GRB10: variants seen among roughly 807,000 people sequenced by gnomAD.
GRB10 encodes growth factor receptor-bound protein 10.
Under a neutral mutation model 80.9 loss-of-function variants are expected in GRB10, and 20 were observed. The ratio of observed to expected loss-of-function variants is 0.25; its 90% CI spans 0.17 to 0.36. The LOEUF (loss-of-function observed/expected upper bound fraction) is 0.36, where lower values mean the gene tolerates loss of function less well. Ranked by LOEUF, GRB10 falls within the 10% of genes least tolerant of loss-of-function variation. GRB10 has a pLI of 1.00. For synonymous variants in GRB10, 291 were observed against 291.5 expected (o/e 1.00, Z 0.02); for missense variants, 548 against 747.7 (o/e 0.73, Z 3.12).
At chr7:50,749,430 A>C (rs569010786) in intron 3 of GRB10, among the ~76,000 whole-genome samples, 2 of 152,232 alleles carry the variant, frequency 1.3e-5, no homozygotes, top group Admixed American at 1.3e-4. Context: ...TGCCTGGCCA[A>C]AATTTGTATT....
At chr7:50,628,491 T>C (rs1320275870) in intron 7 of GRB10, among the ~76,000 whole-genome samples, 1 of 151,766 alleles carries the variant, frequency 6.6e-6, no homozygotes, top group Non-Finnish European at 1.5e-5. Flanking sequence ...TTGACCCTCC[T>C]ACAGCTAGCT....
intron 13 of GRB10, among the ~76,000 whole-genome samples, chr7:50,611,174 G>A (rs2049456946): frequency 6.6e-6 from 1 of 152,162 alleles, no homozygotes. Flanking sequence ...ATGTTCATGA[G>A]CATACCATCA....
chr7:50,691,026 C>T (rs1336572523), intron 5 of GRB10, among the ~76,000 whole-genome samples: 1 of 152,188 alleles, frequency 6.6e-6, no homozygotes, highest in Non-Finnish European at 1.5e-5. Context: ...AAAGAGAACA[C>T]AGGCTCCTCA....
intron 1 of GRB10, among the ~76,000 whole-genome samples, chr7:50,781,946 C>CT (rs2078329202): frequency 6.6e-6 from 1 of 152,156 alleles, no homozygotes; most frequent in Admixed American, 6.5e-5. Flanking sequence ...TTATACCGGA[C>CT]TATATGCCAT....
chr7:50,617,450 T>C (rs905567060), intron 10 of GRB10, among the ~76,000 whole-genome samples: 4 of 152,128 alleles, frequency 2.6e-5, no homozygotes, highest in Non-Finnish European at 5.9e-5. Context: ...AACATTCCCA[T>C]TCCCCACTCC....
intron 9 of GRB10, 77 bp downstream of exon 9, chr7:50,619,093 C>T (rs2051179244): frequency 6.0e-6 from 5 of 839,564 alleles, no homozygotes; most frequent in Non-Finnish European, 1.0e-5. Flanking sequence ...ACTTTCTAAT[C>T]TGATACTATG....
intron 2 of GRB10, among the ~76,000 whole-genome samples, chr7:50,768,881 G>A (rs1588012290): frequency 6.6e-6 from 1 of 152,158 alleles, no homozygotes; most frequent in East Asian, 1.9e-4. Flanking sequence ...TCAAATCATT[G>A]GCCAAAGAAC....
intron 4 of GRB10, chr7:50,726,878 T>C (rs1268103395): frequency 6.6e-6 from 1 of 152,152 alleles, no homozygotes; most frequent in South Asian, 2.1e-4. Context: ...TCACCAACAT[T>C]AAACATAAAC....
intron 10 of GRB10, among the ~76,000 whole-genome samples, chr7:50,616,770 GA>G (rs1466115506): frequency 1.1e-4 from 17 of 152,226 alleles, no homozygotes; most frequent in Admixed American, 1.1e-3. Flanking sequence ...GTCCGCAAGT[GA>G]TGCACCCAGG....
chr7:50,720,620 T>C (rs1462439773), intron 4 of GRB10, among the ~76,000 whole-genome samples: 2 of 152,076 alleles, frequency 1.3e-5, no homozygotes, highest in African/African-American at 2.4e-5. Context: ...TAAACATGCA[T>C]GGTACAGGAA....
intron 2 of GRB10, among the ~76,000 whole-genome samples, chr7:50,759,884 A>G (rs73697737): frequency 0.099 from 15,081 of 152,188 alleles, 2,515 homozygotes; most frequent in African/African-American, 0.34. Context: ...CAGGGGGCAG[A>G]GCGCGGACAC....
chr7:50,698,106 A>G (rs1362834188), intron 5 of GRB10, among the ~76,000 whole-genome samples: 1 of 152,088 alleles, frequency 6.6e-6, no homozygotes, highest in Non-Finnish European at 1.5e-5. Context: ...TTTTTTGTAA[A>G]CTGCCTGCTC....
At chr7:50,601,986 G>A (rs892945968) in intron 17 of GRB10, among the ~76,000 whole-genome samples, 1 of 152,182 alleles carries the variant, frequency 6.6e-6, no homozygotes, top group African/African-American at 2.4e-5. Context: ...CAAAGTGAGC[G>A]TCGAGAAGAG....
At position 50,775,164 on chromosome 7, in the gene GRB10, AAAAAAAAAAC is replaced by A. The variant is rs199781668; in HGVS notation, c.-217+5453_-217+5462del. Among the ~76,000 whole-genome samples the A allele has an allele frequency of 1.4e-3, 166 of 119,620 alleles. 16 individuals carry two copies. The Middle Eastern group carries it at 0.019, about 13-fold the overall frequency. 78.5% of individuals were successfully genotyped at this position (119,620 alleles called of 152,430 possible). A position where few individuals can be genotyped will look rare whatever the true frequency, so the allele number is the denominator to read the frequency against. ...TGACACAGTGAGATCCTGTCTCCAA[AAAAAAAAAAC>A]AAAAAAAAACAGTGGAACAGACAAA... On this transcript the variant is annotated intron_variant, in intron 2 of 18. Transcript: ENST00000401949.
chr7:50,626,288 CAG>C (rs2052882719), intron 8 of GRB10, among the ~76,000 whole-genome samples: 1 of 152,228 alleles, frequency 6.6e-6, no homozygotes, highest in African/African-American at 2.4e-5. Flanking sequence ...AACCAGCAGG[CAG>C]AGATGCCATG....
intron 7 of GRB10, among the ~76,000 whole-genome samples, chr7:50,660,206 C>T (rs553219725): frequency 6.6e-6 from 1 of 152,308 alleles, no homozygotes; most frequent in South Asian, 2.1e-4. Flanking sequence ...AGCCATCATG[C>T]CGCGTCCACA....
At chr7:50,607,633 A>G (rs533898304) in intron 13 of GRB10, among the ~76,000 whole-genome samples, 1 of 152,300 alleles carries the variant, frequency 6.6e-6, no homozygotes, top group African/African-American at 2.4e-5. Context: ...AATTATCCCC[A>G]TGTTACAGAG....
At chr7:50,696,001 CAGTA>C (rs1223868361) in intron 5 of GRB10, among the ~76,000 whole-genome samples, 1 of 152,002 alleles carries the variant, frequency 6.6e-6, no homozygotes, top group African/African-American at 2.4e-5. Context: ...TTTTTTCACT[CAGTA>C]AATCTGAGCA....
chr7:50,669,390 A>G (rs1181017468), intron 7 of GRB10, among the ~76,000 whole-genome samples: 1 of 152,146 alleles, frequency 6.6e-6, no homozygotes, highest in Non-Finnish European at 1.5e-5. Flanking sequence ...AGGAGATGAC[A>G]CGCACTTTTA....
Sources: allele counts gnomAD v4.1 joint callset (sites outside exome capture counted in the v4.1 genomes callset), GRCh38; gene constraint gnomAD v4.1.1; transcripts MANE v1.5; gene names NCBI Gene and HGNC (gene_info 2026-07-23, HGNC 2026-07-21).